TMEM244: variants seen among roughly 807,000 people sequenced by gnomAD.
TMEM244 encodes the protein putative transmembrane protein 244.
A neutral mutation model predicts 15.8 loss-of-function variants in TMEM244; 13 were observed. That is an observed-to-expected ratio of 0.82 (90% CI 0.53 to 1.30). TMEM244 has a LOEUF of 1.30. Ranked by LOEUF, TMEM244 falls within the 50% of genes most tolerant of loss-of-function variation. The pLI, the probability that TMEM244 is intolerant of heterozygous loss-of-function variation, is 0.00. For missense variants in TMEM244, 161 were observed against 144.9 expected (o/e 1.11, Z -0.57); for synonymous variants, 45 against 48.7 (o/e 0.92, Z 0.32).
chr6:129,853,782 C>A (rs9398926), intron 1 of TMEM244, among the ~76,000 whole-genome samples: 22,009 of 152,192 alleles, frequency 0.14, 1,633 homozygotes, highest in East Asian at 0.22. Context: ...TTTGCTAGGG[C>A]TAGGCTGGAA....
chr6:129,843,567 G>T lies in TMEM244; in HGVS notation c.156C>A (p.Phe52Leu), dbSNP rs757028265. The T allele has an allele frequency of 6.2e-7, 1 of 1,612,166 alleles. No homozygotes were observed. Among genetic ancestry groups the T allele is most frequent in the South Asian group, 1.1e-5 (1 of 90,940 alleles). The stretch of plus-strand genomic sequence containing the variant: ...TGTTGAGCCATGAGGGATTTGTTTT[G>T]AAATCAAATGGAGCCAGGACATTCA... ...HELNVLAPFD[F>L]KTNPSWLNIN... The change falls in exon 3 of 5, where the codon TTC becomes TTA. Residue 52 changes from phenylalanine to leucine, a missense_variant. Physicochemically the swap from Phe to Leu is conservative, Grantham distance 22. Transcript: ENST00000368143.
rs533730985 is a variant in TMEM244 at position 129,849,391 on chromosome 6, A to T, written c.34-3539T>A. 7.2e-5 allele frequency among the ~76,000 whole-genome samples: 11 copies of T among 152,296 alleles called. No individual in the cohort carries two copies. In the South Asian group the frequency reaches 2.3e-3, roughly 32 times the overall value. On this transcript the variant is annotated intron_variant, in intron 1 of 4. Coordinates refer to ENST00000368143, the MANE Select transcript of TMEM244 (RefSeq NM_001010876.2). ...CACCCTACAGAGCCTATGGAACATA[A>T]CAATTTTCTAAAAAGCAATCAGACC...
chr6:129,846,027 C>A (rs76435478), intron 1 of TMEM244, among the ~76,000 whole-genome samples, 175 bp from the exon 2 acceptor site: 6 of 152,226 alleles, frequency 3.9e-5, no homozygotes, highest in Middle Eastern at 3.4e-3. Flanking sequence ...GCTTCTTTAG[C>A]GGTATAATTT....
chr6:129,855,377 C>T (rs934553732), intron 1 of TMEM244, among the ~76,000 whole-genome samples: 1 of 152,020 alleles, frequency 6.6e-6, no homozygotes, highest in African/African-American at 2.4e-5. Context: ...GCTAATGTGA[C>T]ATTATAACAC....
intron 1 of TMEM244, among the ~76,000 whole-genome samples, chr6:129,859,904 G>A (rs1034448464): frequency 6.6e-6 from 1 of 152,128 alleles, no homozygotes; most frequent in Non-Finnish European, 1.5e-5. Context: ...AATATTGACA[G>A]TGAACAAGCA....
At chr6:129,844,419 G>A (rs753614037) in intron 2 of TMEM244, among the ~76,000 whole-genome samples, 7 of 152,166 alleles carry the variant, frequency 4.6e-5, no homozygotes, top group South Asian at 2.1e-4. Flanking sequence ...TGCTATAACC[G>A]TGCACTTGGG....
intron 1 of TMEM244, among the ~76,000 whole-genome samples, chr6:129,851,103 A>G (rs1776632508): frequency 6.6e-6 from 1 of 151,930 alleles, no homozygotes; most frequent in Non-Finnish European, 1.5e-5. Context: ...TTTGCATTTC[A>G]CAGACTTGGA....
intron 1 of TMEM244, among the ~76,000 whole-genome samples, chr6:129,853,039 C>T (rs1453043561): frequency 6.6e-6 from 1 of 152,152 alleles, no homozygotes; most frequent in Non-Finnish European, 1.5e-5. Flanking sequence ...ATTGAATGTT[C>T]CTCTTCATTG....
chr6:129,832,469 A>G (rs1776342623), intron 4 of TMEM244, among the ~76,000 whole-genome samples: 1 of 152,216 alleles, frequency 6.6e-6, no homozygotes, highest in South Asian at 2.1e-4. Flanking sequence ...GTCATAAATA[A>G]TAATAAACTT....
chr6:129,844,250 C>T (rs1184822834), intron 2 of TMEM244, among the ~76,000 whole-genome samples: 1 of 152,112 alleles, frequency 6.6e-6, no homozygotes, highest in African/African-American at 2.4e-5. Flanking sequence ...CATCTTTGTC[C>T]AATTAAGTTC....
At chr6:129,849,751 A>G (rs1350324191) in intron 1 of TMEM244, among the ~76,000 whole-genome samples, 1 of 152,054 alleles carries the variant, frequency 6.6e-6, no homozygotes, top group African/African-American at 2.4e-5. Context: ...AGAACTACTG[A>G]TCTGGAGGCA....
rs188347150 is a variant in TMEM244 at position 129,861,159 on chromosome 6, G to T, written c.30C>A (p.Ser10Arg). ...CAAAGAAGTAATTTCTCTTTACCTTGCTTGGAGCAACTCTGACCTGGAGAG... is the reference window on the plus strand; with the variant it reads ...CAAAGAAGTAATTTCTCTTTACCTTTCTTGGAGCAACTCTGACCTGGAGAG... MALQVRVAP[S>R]KVVLQKFLLC... Residue 10 changes from serine (S) to arginine (R), a missense_variant, in exon 1 of 5, where the codon AGC becomes AGA. Coordinates refer to ENST00000368143, the MANE Select transcript of TMEM244 (RefSeq NM_001010876.2). 16 of 1,613,664 alleles carry T rather than the reference G, an allele frequency of 9.9e-6. No individual in the cohort carries two copies. The African/African-American group carries it at 2.0e-4, about 20-fold the overall frequency.
intron 1 of TMEM244, among the ~76,000 whole-genome samples, chr6:129,856,819 T>G (rs1776719295): frequency 6.6e-6 from 1 of 152,062 alleles, no homozygotes; most frequent in Non-Finnish European, 1.5e-5. Context: ...CCAAACTTAT[T>G]AAGATGGGAA....
intron 1 of TMEM244, among the ~76,000 whole-genome samples, chr6:129,852,770 C>A (rs577752380): frequency 8.5e-5 from 13 of 152,232 alleles, no homozygotes; most frequent in African/African-American, 3.1e-4. Flanking sequence ...TTTTAGCTCC[C>A]TGGTGCCAGC....
At chr6:129,840,772 G>C (rs36000884) in intron 3 of TMEM244, among the ~76,000 whole-genome samples, 56,669 of 152,012 alleles carry the variant, frequency 0.37, 11,064 homozygotes, top group South Asian at 0.5. Flanking sequence ...AGTATATGAA[G>C]AGACACTTCT....
chr6:129,852,739 G>A (rs1776651537), intron 1 of TMEM244, among the ~76,000 whole-genome samples: 1 of 152,150 alleles, frequency 6.6e-6, no homozygotes, highest in Admixed American at 6.5e-5. Flanking sequence ...GGGTTTGCCT[G>A]CAACCAGCGC....
rs866436018 is a variant in TMEM244 at position 129,860,141 on chromosome 6, G to C, written c.33+1015C>G. Reference sequence around the variant, plus strand: ...TGTGTGTGTGTGTGTGTGTGTGTGTGTGTGTGTCTGTCTGTCTGGTCTGTG... The same window carrying C: ...TGTGTGTGTGTGTGTGTGTGTGTGTCTGTGTGTCTGTCTGTCTGGTCTGTG... On this transcript the variant is annotated intron_variant, in intron 1 of 4. Coordinates refer to ENST00000368143, the MANE Select transcript of TMEM244 (RefSeq NM_001010876.2). Among the ~76,000 whole-genome samples, 251 of 130,746 alleles carry C rather than the reference G, an allele frequency of 1.9e-3. 1 individual carries two copies. The highest frequency in any genetic ancestry group is 6.3e-3 in the African/African-American group (224 of 35,540). The allele number at this position is 130,746 out of a possible 152,430, so 85.8% of individuals were successfully genotyped here. A position where few individuals can be genotyped will look rare whatever the true frequency, so the allele number is the denominator to read the frequency against.
At chr6:129,831,645 TG>T (rs1302263493) in intron 4 of TMEM244, among the ~76,000 whole-genome samples, 2 of 151,946 alleles carry the variant, frequency 1.3e-5, no homozygotes, top group Non-Finnish European at 2.9e-5. Flanking sequence ...TGATTTTAAG[TG>T]ATGATCCTCG....
In TMEM244 at chr6:129,833,604, A is replaced by T; in HGVS notation, c.194-19T>A. ...AAAAGAACTGCAAATACAAGGAAGA[A>T]TATAATTATTGAGGACTAGAGCAAT... On this transcript the variant is annotated intron_variant, in intron 3 of 4. Coordinates refer to ENST00000368143, the MANE Select transcript of TMEM244 (RefSeq NM_001010876.2). 4 of 1,608,030 alleles carry T rather than the reference A, an allele frequency of 2.5e-6. No individual in the cohort carries two copies. Among genetic ancestry groups the T allele is most frequent in the Non-Finnish European group, 3.4e-6 (4 of 1,177,598 alleles).
Sources: gnomAD v4.1 joint callset for allele counts (sites outside exome capture counted in the v4.1 genomes callset) on GRCh38, gnomAD v4.1.1 for gene constraint, MANE v1.5 for transcripts, NCBI Gene and HGNC (gene_info 2026-07-23, HGNC 2026-07-21) for gene names.